Variants in PRAMEF4 observed in about 807,000 individuals in gnomAD.
PRAMEF4 encodes RP5-845O24.6.
In PRAMEF4, 18 loss-of-function variants were observed where a neutral mutation model predicts 34.4. The observed-to-expected ratio is 0.52, with a 90% confidence interval of 0.36 to 0.78. The LOEUF (loss-of-function observed/expected upper bound fraction) is 0.78. PRAMEF4 is among the 30% of genes least tolerant of loss of function. The pLI is 0.00. For synonymous variants in PRAMEF4, 156 were observed against 219.3 expected, an observed-to-expected ratio of 0.71 and a Z score of 2.55; for missense variants, 482 against 569.1, an observed-to-expected ratio of 0.85 and a Z score of 1.56.
At chr1:12,885,789 C>T (rs1213264163) in intron 1 of PRAMEF4, among the ~76,000 whole-genome samples, 1 of 145,766 alleles carries the variant, frequency 6.9e-6, no homozygotes, top group African/African-American at 2.6e-5. Flanking sequence ...CATCCCCACC[C>T]TCAAAAAAAA....
At chr1:12,883,865 C>A (rs1230554513) in intron 1 of PRAMEF4, among the ~76,000 whole-genome samples, 1 of 143,186 alleles carries the variant, frequency 7.0e-6, no homozygotes. Context: ...ATTATTTAAG[C>A]TTGCTTTCTC....
At chr1:12,881,764 T>C (rs1173058886) in intron 3 of PRAMEF4, 90 bp downstream of exon 3, 3 of 1,570,608 alleles carry the variant, frequency 1.9e-6, no homozygotes, top group Non-Finnish European at 2.6e-6. Context: ...TGTTTCATCC[T>C]CATAGGCTGG....
intron 1 of PRAMEF4, among the ~76,000 whole-genome samples, chr1:12,885,666 A>G (rs1363188226): frequency 6.8e-6 from 1 of 146,190 alleles, no homozygotes; most frequent in Non-Finnish European, 1.5e-5. Context: ...CTGTGACACC[A>G]GCTTCTGAGG....
In PRAMEF4 at chr1:12,884,295, G is replaced by T. The variant is rs201549922; in HGVS notation, c.-16-885C>A. Among the ~76,000 whole-genome samples, 2 of 148,910 alleles carry T rather than the reference G, an allele frequency of 1.3e-5. 1 individual carries two copies. Among genetic ancestry groups the T allele is most frequent in the East Asian group, 3.9e-4 (2 of 5,134 alleles). The stretch of plus-strand genomic sequence containing the variant: ...GCCTCCCAACATACTGGGATTATAG[G>T]TGTGAGCCTCCACCCCAGCCTCATT... On this transcript the variant is annotated intron_variant, in intron 1 of 3. Transcript: ENST00000235349.
rs576871571 is a variant in PRAMEF4, at chr1:12,883,763, G to T, written c.-16-353C>A. Among the ~76,000 whole-genome samples, 37 of 147,832 alleles carry T rather than the reference G, an allele frequency of 2.5e-4. 3 individuals are homozygous for T. The highest frequency in any genetic ancestry group is 8.7e-4 in the African/African-American group (35 of 40,012). Reference sequence around the variant, plus strand: ...AACAATGGGAATGGGAATGTCACAAGCCTACATGCCCACATTTTCAGTTCC... The same window carrying T: ...AACAATGGGAATGGGAATGTCACAATCCTACATGCCCACATTTTCAGTTCC... On this transcript the variant is annotated intron_variant, in intron 1 of 3. Transcript: ENST00000235349.
chr1:12,880,576 A>T (rs559704419), intron 3 of PRAMEF4, among the ~76,000 whole-genome samples: 5 of 127,542 alleles, frequency 3.9e-5, no homozygotes, highest in Admixed American at 1.6e-4. Flanking sequence ...ACTCTGTATT[A>T]AAAAAAAAAA....
intron 3 of PRAMEF4, 142 bp downstream of exon 3, chr1:12,881,712 C>G (rs542398775): frequency 9.3e-6 from 13 of 1,390,662 alleles, no homozygotes; most frequent in Non-Finnish European, 1.3e-5. Context: ...AGGACAGGGC[C>G]GCCCACAGGA....
intron 1 of PRAMEF4, among the ~76,000 whole-genome samples, chr1:12,884,719 A>C (rs879279952): frequency 1.3e-5 from 2 of 148,704 alleles, no homozygotes; most frequent in Non-Finnish European, 3.0e-5. Context: ...ACAGAGAGAC[A>C]GAGAGAGCTA....
rs373025160 is a variant in PRAMEF4, at chr1:12,882,432, C to T, written c.297G>A (p.Arg99=). 262 of 1,587,224 alleles carry T rather than the reference C, an allele frequency of 1.7e-4. 14 individuals carry two copies. The highest frequency in any genetic ancestry group is 1.2e-3 in the South Asian group (108 of 90,008). ...GTAAATCCAGCACTTGAAGTTTCCA[C>T]CTCCTGTGGGAAAATAGAGGTGAGA... is the stretch of plus-strand genomic sequence containing the variant. ...ALLNLGVRPR[R]WKLQVLDLQD... is the part of the protein sequence containing the mutation. Residue 99 remains arginine (R), a synonymous_variant, in exon 3 of 4, where the codon AGG becomes AGA. Coordinates refer to ENST00000235349, the MANE Select transcript of PRAMEF4 (RefSeq NM_001009611.4).
chr1:12,883,626 C>A (rs1260814578), intron 1 of PRAMEF4, among the ~76,000 whole-genome samples: 3 of 148,332 alleles, frequency 2.0e-5, no homozygotes, highest in Non-Finnish European at 4.5e-5. Context: ...AGGGCCACCA[C>A]GAGCCCTTCC....
chr1:12,881,782 T>G (rs1640893628), intron 3 of PRAMEF4, 72 bp downstream of exon 3: 3 of 1,593,694 alleles, frequency 1.9e-6, no homozygotes, highest in Non-Finnish European at 2.6e-6. Flanking sequence ...TGGCTCACAG[T>G]AGATGCCCAC....
At chr1:12,881,324 C>G (rs1385645536) in intron 3 of PRAMEF4, among the ~76,000 whole-genome samples, 3 of 148,774 alleles carry the variant, frequency 2.0e-5, no homozygotes, top group African/African-American at 7.5e-5. Context: ...TGAGATGTCA[C>G]AACTGCACTG....
chr1:12,883,494 T>C, intron 1 of PRAMEF4, 84 bp from the exon 2 acceptor site: 2 of 1,549,550 alleles, frequency 1.3e-6, no homozygotes, highest in South Asian at 1.2e-5. Context: ...CCAAACTCAC[T>C]GCTCTGGCAA....
intron 1 of PRAMEF4, among the ~76,000 whole-genome samples, chr1:12,885,507 A>G (rs1236361700): frequency 1.3e-5 from 2 of 149,052 alleles, no homozygotes; most frequent in Non-Finnish European, 3.0e-5. Flanking sequence ...CTACAGATGC[A>G]TGGTGACTCA....
rs1236229937 is a variant in PRAMEF4, at chr1:12,883,652, C to G, written c.-16-242G>C. Among the ~76,000 whole-genome samples, 14 of 148,154 alleles carry G rather than the reference C, an allele frequency of 9.4e-5. 1 individual carries two copies. In the East Asian group the frequency reaches 2.8e-3, roughly 29 times the overall value. On this transcript the variant is annotated intron_variant, in intron 1 of 3. Coordinates refer to ENST00000235349, the MANE Select transcript of PRAMEF4 (RefSeq NM_001009611.4). ...GAGCCCTTCCTTTCTATCCAGTGCT[C>G]CATCCAGTGACTAGTGAGTGTGGAG...
In PRAMEF4 at chr1:12,885,025, A is replaced by C. The variant is rs375497680; in HGVS notation, c.-17+1122T>G. On this transcript the variant is annotated intron_variant, in intron 1 of 3. Coordinates refer to ENST00000235349, the MANE Select transcript of PRAMEF4 (RefSeq NM_001009611.4). ...AGGGATCCTTGGCCACATCAAATTT[A>C]TCAAAATATTTCAGAGTTAAAACAG... Among the ~76,000 whole-genome samples, 7 of 150,716 alleles carry C rather than the reference A, an allele frequency of 4.6e-5. No homozygotes were observed. The Admixed American group carries it at 4.7e-4, about 10-fold the overall frequency.
intron 1 of PRAMEF4, among the ~76,000 whole-genome samples, chr1:12,884,683 C>G (rs1472799858): frequency 6.8e-6 from 1 of 147,566 alleles, no homozygotes; most frequent in African/African-American, 2.5e-5. Context: ...CCACTCCACT[C>G]CAGCCTGGGA....
chr1:12,885,891 T>G, intron 1 of PRAMEF4, among the ~76,000 whole-genome samples: 1 of 117,036 alleles, frequency 8.5e-6, no homozygotes, highest in Non-Finnish European at 1.7e-5. Context: ...CCTCCCGAAG[T>G]GTTGGGGTTA....
intron 3 of PRAMEF4, among the ~76,000 whole-genome samples, 158 bp downstream of exon 3, chr1:12,881,696 C>A (rs1485594204): frequency 6.9e-6 from 1 of 144,926 alleles, no homozygotes; most frequent in African/African-American, 2.6e-5. Context: ...GCATGATACC[C>A]ATTTCAGGAC....
Sources: allele counts gnomAD v4.1 joint callset (sites outside exome capture counted in the v4.1 genomes callset), GRCh38; gene constraint gnomAD v4.1.1; transcripts MANE v1.5; gene names NCBI Gene and HGNC (gene_info 2026-07-23, HGNC 2026-07-21).